Variants in TRIM66 observed in about 807,000 individuals in gnomAD.
The protein encoded by TRIM66 is tripartite motif containing 66.
In TRIM66, 99 loss-of-function variants were observed where a neutral mutation model predicts 148.2. That is an observed-to-expected ratio of 0.67 (90% CI 0.57 to 0.79). The LOEUF (loss-of-function observed/expected upper bound fraction) is 0.79, where lower values mean the gene tolerates loss of function less well. Among genes scored for constraint, TRIM66 ranks in the 30% least tolerant of loss-of-function variants. The pLI, the probability that TRIM66 is intolerant of heterozygous loss-of-function variation, is 0.00. For synonymous variants in TRIM66, 616 were observed against 635.9 expected, an observed-to-expected ratio of 0.97 and a Z score of 0.47; for missense variants, 1,666 against 1,697.9, an observed-to-expected ratio of 0.98 and a Z score of 0.33.
At chr11:8,677,632 A>G (rs1164201368) in intron 3 of TRIM66, among the ~76,000 whole-genome samples, 1 of 152,004 alleles carries the variant, frequency 6.6e-6, no homozygotes, top group Non-Finnish European at 1.5e-5. Flanking sequence ...AACAAAAAAA[A>G]CAGAACTAGG....
chr11:8,641,374 A>C (rs559601903), intron 13 of TRIM66, among the ~76,000 whole-genome samples: 2 of 152,106 alleles, frequency 1.3e-5, no homozygotes, highest in Non-Finnish European at 1.5e-5. Context: ...AAATTAGTTC[A>C]GCTTTTACCA....
In TRIM66 at chr11:8,649,901, G is replaced by A; in HGVS notation, c.445-14C>T. 1 of 1,546,756 alleles carries A rather than the reference G, an allele frequency of 6.5e-7. No homozygotes were observed. ...CTCAGAGCAGTTCTGGAAGCAGAGA[G>A]TTCTGGAGTTACTGATGTTATCCTC... On this transcript the variant is annotated splice_polypyrimidine_tract_variant and intron_variant, in intron 7 of 24. Transcript: ENST00000646038.
chr11:8,618,843 C>T lies in TRIM66; in HGVS notation c.4026G>A (p.Val1342=), dbSNP rs1479557993. The T allele has an allele frequency of 1.3e-6, 2 of 1,551,438 alleles. No individual in the cohort carries two copies. Among genetic ancestry groups the T allele is most frequent in the South Asian group, 2.4e-5 (2 of 84,050 alleles). ...GAGTGGAACATCCACTCTCACTAGA[C>T]ACCTCCTCGGAGTCTGAGTCCTCCT... ...PRQEDSDSEE[V]SSESGCSTPQ... is the part of the protein sequence containing the mutation. Residue 1342 remains valine, a synonymous_variant, in exon 24 of 25, where the codon GTG becomes GTA. Transcript: ENST00000646038.
intron 6 of TRIM66, among the ~76,000 whole-genome samples, chr11:8,652,313 T>C (rs1379465129): frequency 6.6e-6 from 1 of 152,036 alleles, no homozygotes; most frequent in Non-Finnish European, 1.5e-5. Flanking sequence ...CAGTTCCAGG[T>C]CATTAAGGTT....
rs535262673 is a variant in TRIM66, at chr11:8,673,679, T to C, written c.-112+1127A>G. ...TTAGTTTAGAAAAACATCACATACA[T>C]GTGAAATTAATATTATTAATTTGAT... On this transcript the variant is annotated intron_variant, in intron 4 of 24. Transcript: ENST00000646038. Among the ~76,000 whole-genome samples, 216 of 152,354 alleles carry C rather than the reference T, an allele frequency of 1.4e-3. 1 individual carries two copies. Among genetic ancestry groups the C allele is most frequent in the African/African-American group, 5.1e-3 (213 of 41,586 alleles).
rs143494265 is a variant in TRIM66, at chr11:8,612,741, TATC to T, written c.*5200_*5202del. ...CCCTAGTCTCCCTCCATCCGAATGT[TATC>T]AGCAGCAGGCACCCACCCTGCCAGG... On this transcript the variant is annotated 3_prime_UTR_variant, in exon 25 of 25. Transcript: ENST00000646038. The T allele has an allele frequency of 0.011, 1,644 of 152,530 alleles. 33 individuals are homozygous for T. Among genetic ancestry groups the T allele is most frequent in the African/African-American group, 0.036 (1,485 of 41,550 alleles). 9.4% of individuals were successfully genotyped at this position (152,530 alleles called of 1,614,324 possible).
intron 6 of TRIM66, among the ~76,000 whole-genome samples, chr11:8,666,341 GAAAAAA>G (rs558326812): frequency 4.2e-5 from 1 of 23,542 alleles, no homozygotes; most frequent in African/African-American, 9.4e-5. Flanking sequence ...CTCCGCCTCA[GAAAAAA>G]AAAAAAAAAA....
At chr11:8,644,766 C>T (rs2036703185) in intron 12 of TRIM66, among the ~76,000 whole-genome samples, 1 of 152,194 alleles carries the variant, frequency 6.6e-6, no homozygotes, top group African/African-American at 2.4e-5. Context: ...TCTGTCTCTA[C>T]TTCGTCACCA....
At chr11:8,619,349 G>C (rs12362755) in intron 23 of TRIM66, 34 bp downstream of exon 23, 1 of 1,471,094 alleles carries the variant, frequency 6.8e-7, no homozygotes, top group Non-Finnish European at 9.0e-7. Context: ...GGGATGCAGG[G>C]AAATAGGAGA....
chr11:8,623,370 G>A (rs546234785), intron 17 of TRIM66, among the ~76,000 whole-genome samples: 6 of 152,298 alleles, frequency 3.9e-5, no homozygotes, highest in Non-Finnish European at 7.4e-5. Flanking sequence ...CAGTGATGGG[G>A]CAAAAGGATG....
chr11:8,626,729 G>A (rs1276311081), intron 15 of TRIM66, among the ~76,000 whole-genome samples: 5 of 152,144 alleles, frequency 3.3e-5, no homozygotes, highest in Non-Finnish European at 5.9e-5. Context: ...CCCGCAGTGC[G>A]CTACATTCTT....
At chr11:8,626,968 C>T (rs879913125) in intron 15 of TRIM66, among the ~76,000 whole-genome samples, 2 of 152,234 alleles carry the variant, frequency 1.3e-5, no homozygotes, top group Non-Finnish European at 2.9e-5. Context: ...TACCCCTGCC[C>T]TGTTCCACTT....
chr11:8,670,017 AT>A (rs534807233), intron 6 of TRIM66, among the ~76,000 whole-genome samples: 86 of 141,552 alleles, frequency 6.1e-4, no homozygotes, highest in Admixed American at 6.4e-4. Context: ...GTTTTTATTT[AT>A]TTTTTTTTTT....
chr11:8,665,282 C>G (rs1404448393), intron 6 of TRIM66, among the ~76,000 whole-genome samples: 1 of 152,170 alleles, frequency 6.6e-6, no homozygotes, highest in Non-Finnish European at 1.5e-5. Flanking sequence ...TTAGGTATTT[C>G]ACTAGGCTAG....
Position 8,651,833 on chromosome 11 carries a change from AT to A in TRIM66, c.410del (p.His137LeufsTer63). On this transcript the variant is annotated frameshift_variant, in exon 7 of 25. Transcript: ENST00000646038. LOFTEE classifies it high-confidence loss of function. Reference sequence around the variant, plus strand: ...TCTTGGGTTGCTCAGTAGGAACACAATGCAGAAAAAAATGTTCAGTTACATC... The same window carrying A: ...TCTTGGGTTGCTCAGTAGGAACACAAGCAGAAAAAAATGTTCAGTTACATC... ...TRDVTEHFFL[H>X]CVPTEQPKMA... 6.4e-7 allele frequency: 1 copy of A among 1,551,786 alleles called. No individual in the cohort carries two copies. Among genetic ancestry groups the A allele is most frequent in the Non-Finnish European group, 8.7e-7 (1 of 1,147,006 alleles).
At chr11:8,648,206 C>G in intron 9 of TRIM66, 120 bp from the exon 10 acceptor site, 1 of 1,173,524 alleles carries the variant, frequency 8.5e-7, no homozygotes, top group Non-Finnish European at 1.2e-6. Flanking sequence ...GTGATGACTT[C>G]TAGGGAAAGT....
chr11:8,629,369 C>G (rs1413088626), intron 15 of TRIM66, among the ~76,000 whole-genome samples: 1 of 152,178 alleles, frequency 6.6e-6, no homozygotes, highest in Non-Finnish European at 1.5e-5. Context: ...CTCATTTAAT[C>G]TACCCATGCT....
At chr11:8,660,877 G>C (rs532136090) in intron 6 of TRIM66, among the ~76,000 whole-genome samples, 1 of 152,224 alleles carries the variant, frequency 6.6e-6, no homozygotes, top group Non-Finnish European at 1.5e-5. Flanking sequence ...AGATATGAAA[G>C]TGTGAGGTCT....
intron 12 of TRIM66, chr11:8,644,181 TAC>T: frequency 3.8e-6 from 1 of 264,574 alleles, no homozygotes; most frequent in Non-Finnish European, 7.4e-6. Flanking sequence ...TCCTTTCATT[TAC>T]AGTCATGATA....
Sources: allele counts gnomAD v4.1 joint callset (sites outside exome capture counted in the v4.1 genomes callset), GRCh38; gene constraint gnomAD v4.1.1; transcripts MANE v1.5; gene names NCBI Gene and HGNC (gene_info 2026-07-23, HGNC 2026-07-21).